UBA2: variants seen among roughly 807,000 people sequenced by gnomAD.
The protein encoded by UBA2 is SUMO-activating enzyme subunit 2.
UBA2 carries 11 observed loss-of-function variants against 77.2 expected under a neutral mutation model. That is an observed-to-expected ratio of 0.14 (90% CI 0.09 to 0.24). The LOEUF (loss-of-function observed/expected upper bound fraction) is 0.24. Ranked by LOEUF, UBA2 falls within the 10% of genes least tolerant of loss-of-function variation. The pLI is 1.00. For synonymous variants in UBA2, 278 were observed against 276.7 expected, an observed-to-expected ratio of 1.00 and a Z score of -0.05; for missense variants, 487 against 781.7, an observed-to-expected ratio of 0.62 and a Z score of 4.50.
chr19:34,467,111 T>G (rs1415875344), intron 16 of UBA2, 97 bp downstream of exon 16: 1 of 1,403,276 alleles, frequency 7.1e-7, no homozygotes, highest in East Asian at 2.4e-5. Context: ...TCCATAAAAC[T>G]ACTAGAGGTG....
At chr19:34,465,510 G>T (rs1194746998) in intron 15 of UBA2, among the ~76,000 whole-genome samples, 1 of 152,014 alleles carries the variant, frequency 6.6e-6, no homozygotes, top group Non-Finnish European at 1.5e-5. Context: ...GGTGGCATGT[G>T]CCTGCAGTCC....
intron 8 of UBA2, among the ~76,000 whole-genome samples, chr19:34,446,001 C>G (rs188579382): frequency 5.3e-5 from 8 of 151,980 alleles, no homozygotes; most frequent in Non-Finnish European, 1.2e-4. Context: ...GCAAGTTGTA[C>G]GTGTGTGGGG....
chr19:34,450,391 C>T (rs2075479535), intron 9 of UBA2, 27 bp downstream of exon 9: 1 of 1,498,998 alleles, frequency 6.7e-7, no homozygotes, highest in Non-Finnish European at 9.1e-7. Context: ...AGTCTTGGAA[C>T]ACCTAAGCTG....
chr19:34,432,951 A>C (rs1171944794), intron 3 of UBA2, among the ~76,000 whole-genome samples: 1 of 152,138 alleles, frequency 6.6e-6, no homozygotes. Flanking sequence ...GCTGCTAAAA[A>C]CAGAGACCCT....
rs1346126695 is a variant in UBA2, at chr19:34,438,731, T to C, written c.546T>C (p.Pro182=). Residue 182 remains proline, a synonymous_variant, in exon 6 of 17, where the codon CCT becomes CCC. Coordinates refer to ENST00000246548, the MANE Select transcript of UBA2 (RefSeq NM_005499.3). ...CAATTCGTAACACACCTTCAGAACC[T>C]ATACATTGCATCGTTTGGGCAAAGT... is the stretch of plus-strand genomic sequence containing the variant. ...GCTIRNTPSE[P]IHCIVWAKYL... is the part of the protein sequence containing the mutation. 6.2e-7 allele frequency: 1 copy of C among 1,614,160 alleles called. No homozygotes were observed.
chr19:34,437,852 C>T (rs2075326725), intron 5 of UBA2, among the ~76,000 whole-genome samples: 1 of 152,094 alleles, frequency 6.6e-6, no homozygotes. Flanking sequence ...GTCAGGAGTT[C>T]AAGACCAAGC....
At chr19:34,468,255 T>C (rs894312467) in intron 16 of UBA2, among the ~76,000 whole-genome samples, 1 of 152,218 alleles carries the variant, frequency 6.6e-6, no homozygotes, top group Non-Finnish European at 1.5e-5. Flanking sequence ...TAATGTTCTC[T>C]TGAGAATTTT....
At chr19:34,445,557 G>A (rs542694016) in intron 8 of UBA2, among the ~76,000 whole-genome samples, 195 of 150,434 alleles carry the variant, frequency 1.3e-3, no homozygotes, top group African/African-American at 4.7e-3. Flanking sequence ...TCCTGCCTCA[G>A]CCTTCCGAGT....
At chr19:34,461,746 C>CT (rs1041244614) in intron 14 of UBA2, among the ~76,000 whole-genome samples, 1 of 152,156 alleles carries the variant, frequency 6.6e-6, no homozygotes, top group African/African-American at 2.4e-5. Context: ...CAGACCTTGG[C>CT]TTGAAGTGCC....
At chr19:34,451,830 GC>G (rs1382462076) in intron 9 of UBA2, 150 bp from the exon 10 acceptor site, 1 of 413,676 alleles carries the variant, frequency 2.4e-6, no homozygotes, top group African/African-American at 2.1e-5. Context: ...ACAGGCGTGA[GC>G]CACCGTGCCT....
intron 4 of UBA2, among the ~76,000 whole-genome samples, chr19:34,434,085 T>G (rs1360877847): frequency 3.3e-5 from 5 of 152,150 alleles, no homozygotes; most frequent in Admixed American, 6.5e-5. Flanking sequence ...GCCAGAAATA[T>G]CTAAATAAAA....
At chr19:34,430,033 C>T in intron 1 of UBA2, 1 of 152,292 alleles carries the variant, frequency 6.6e-6, no homozygotes, top group East Asian at 1.9e-4. Context: ...ACCTCAGCCT[C>T]CCGAGTAGCT....
At chr19:34,434,254 A>T (rs544238987) in intron 4 of UBA2, among the ~76,000 whole-genome samples, 1 of 152,094 alleles carries the variant, frequency 6.6e-6, no homozygotes, top group East Asian at 1.9e-4. Flanking sequence ...TACTCTGCAG[A>T]CAGGTACCAC....
chr19:34,466,887 A>C lies in UBA2; in HGVS notation c.1614A>C (p.Leu538=). Residue 538 remains leucine (L), a synonymous_variant, in exon 16 of 17, where the codon CTA becomes CTC. Transcript: ENST00000246548. ...LLINILHSED[L]GKDVEFEVVG... is the part of the protein sequence containing the mutation. ...TGTGATTCTCCTACAGTGAAGACCT[A>C]GGAAAGGACGTTGAATTTGAAGTTG... The C allele has an allele frequency of 6.2e-7, 1 of 1,612,938 alleles. No homozygotes were observed. The highest frequency in any genetic ancestry group is 2.2e-5 in the East Asian group (1 of 44,888).
At chr19:34,449,461 C>G (rs994344343) in intron 8 of UBA2, among the ~76,000 whole-genome samples, 1 of 152,028 alleles carries the variant, frequency 6.6e-6, no homozygotes, top group Admixed American at 6.6e-5. Flanking sequence ...TAAGGATGCT[C>G]AGTTAGTATT....
At chr19:34,445,915 G>C (rs1356521309) in intron 8 of UBA2, among the ~76,000 whole-genome samples, 1 of 151,868 alleles carries the variant, frequency 6.6e-6, no homozygotes, top group African/African-American at 2.4e-5. Context: ...GTTTTTATTG[G>C]GTCTACCTAA....
Position 34,466,933 on chromosome 19 carries a change from G to A in UBA2, c.1660G>A (p.Val554Met), listed in dbSNP as rs1166914349. ...AGTTGTTGGTGATGCCCCGGAAAAA[G>A]TGGGGCCCAAACAAGCTGAAGATGC... ...FEVVGDAPEK[V>M]GPKQAEDAAK... Residue 554 changes from valine to methionine, a missense_variant, in exon 16 of 17, where the codon GTG becomes ATG. Transcript: ENST00000246548. 1.2e-6 allele frequency: 2 copies of A among 1,613,932 alleles called. No homozygotes were observed. The highest frequency in any genetic ancestry group is 8.5e-7 in the Non-Finnish European group (1 of 1,180,008).
chr19:34,450,192 C>A, intron 8 of UBA2, 73 bp from the exon 9 acceptor site: 1 of 997,070 alleles, frequency 1.0e-6, no homozygotes, highest in Non-Finnish European at 1.6e-6. Flanking sequence ...TAATATAGAT[C>A]AGCAATGACG....
Position 34,469,322 on chromosome 19 carries a change from G to C in UBA2, c.*101G>C, listed in dbSNP as rs1209749723. On this transcript the variant is annotated 3_prime_UTR_variant, in exon 17 of 17. Coordinates refer to ENST00000246548, the MANE Select transcript of UBA2 (RefSeq NM_005499.3). ...CCAAAGGGAAAAAATTGACAGCAGTGACTTGAAAATGATTCTGCTCCCTTT... is the reference window on the plus strand; with the variant it reads ...CCAAAGGGAAAAAATTGACAGCAGTCACTTGAAAATGATTCTGCTCCCTTT... 16 of 1,136,080 alleles carry C rather than the reference G, an allele frequency of 1.4e-5. No homozygotes were observed. The highest frequency in any genetic ancestry group is 1.9e-5 in the Non-Finnish European group (16 of 848,346). 70.4% of individuals were successfully genotyped at this position (1,136,080 alleles called of 1,614,324 possible).
Sources: allele counts gnomAD v4.1 joint callset (sites outside exome capture counted in the v4.1 genomes callset), GRCh38; gene constraint gnomAD v4.1.1; transcripts MANE v1.5; gene names NCBI Gene and HGNC (gene_info 2026-07-23, HGNC 2026-07-21).